XPR1: variants seen among roughly 807,000 people sequenced by gnomAD.
XPR1 encodes solute carrier family 53 member 1.
In XPR1, 28 loss-of-function variants were observed where a neutral mutation model predicts 87.5. The ratio of observed to expected loss-of-function variants is 0.32; its 90% CI spans 0.24 to 0.44. The LOEUF (loss-of-function observed/expected upper bound fraction) is 0.44. Ranked by LOEUF, XPR1 falls within the 20% of genes least tolerant of loss-of-function variation. The pLI is 1.00. For missense variants in XPR1, 559 were observed against 862.3 expected, an observed-to-expected ratio of 0.65 and a Z score of 4.41; for synonymous variants, 300 against 306.1, an observed-to-expected ratio of 0.98 and a Z score of 0.21.
chr1:180,855,896 G>A (rs1652012543), intron 11 of XPR1, among the ~76,000 whole-genome samples: 1 of 152,074 alleles, frequency 6.6e-6, no homozygotes, highest in African/African-American at 2.4e-5. Flanking sequence ...GTAACAAGGT[G>A]TCCTTCCTCC....
At chr1:180,656,293 G>A (rs1297305940) in intron 1 of XPR1, among the ~76,000 whole-genome samples, 1 of 127,788 alleles carries the variant, frequency 7.8e-6, no homozygotes, top group Non-Finnish European at 1.6e-5. Flanking sequence ...TCTTTTTAAT[G>A]ACTGAATAGT....
chr1:180,659,424 CTTCCTTCCTTCCTTCT>C (rs1416361210), intron 1 of XPR1, among the ~76,000 whole-genome samples: 2 of 108,654 alleles, frequency 1.8e-5, no homozygotes, highest in East Asian at 5.4e-4. Context: ...TCCTTCCTTC[CTTCCTTCCTTCCTTCT>C]TCCCTCCTTC....
chr1:180,684,181 A>C (rs1182745259), intron 2 of XPR1, among the ~76,000 whole-genome samples: 1 of 152,222 alleles, frequency 6.6e-6, no homozygotes, highest in African/African-American at 2.4e-5. Context: ...AGCTTTCTAC[A>C]TATGGCTAGC....
intron 1 of XPR1, among the ~76,000 whole-genome samples, chr1:180,682,027 AGTTTTTTTCTCTAGGACTTTTGTTCTG>A (rs1272295884): frequency 1.3e-5 from 2 of 152,154 alleles, no homozygotes; most frequent in African/African-American, 4.8e-5. Flanking sequence ...GCAGTCTACT[AGTTTTTTTCTCTAGGACTTTTGTTCTG>A]TTTTCTTCAG....
At chr1:180,736,458 G>A (rs908382729) in intron 2 of XPR1, among the ~76,000 whole-genome samples, 5 of 152,066 alleles carry the variant, frequency 3.3e-5, no homozygotes, top group Non-Finnish European at 1.5e-5. Context: ...GATAATAGAA[G>A]CCCAGAGAAC....
At chr1:180,651,817 G>C (rs1655300582) in intron 1 of XPR1, among the ~76,000 whole-genome samples, 1 of 151,980 alleles carries the variant, frequency 6.6e-6, no homozygotes, top group African/African-American at 2.4e-5. Flanking sequence ...AAATGAGAAA[G>C]GACTTTGCAT....
chr1:180,724,526 C>CGT (rs1658272474), intron 2 of XPR1, among the ~76,000 whole-genome samples: 1 of 151,960 alleles, frequency 6.6e-6, no homozygotes, highest in African/African-American at 2.4e-5. Context: ...TTGGAAAAGT[C>CGT]GTAATGTAAA....
At chr1:180,880,738 T>C (rs1238013028) in intron 14 of XPR1, among the ~76,000 whole-genome samples, 1 of 152,190 alleles carries the variant, frequency 6.6e-6, no homozygotes, top group Non-Finnish European at 1.5e-5. Flanking sequence ...TTAAGTGGAT[T>C]ATATTCATTA....
intron 2 of XPR1, among the ~76,000 whole-genome samples, chr1:180,732,546 C>G (rs1334667685): frequency 6.6e-6 from 1 of 152,138 alleles, no homozygotes; most frequent in East Asian, 1.9e-4. Flanking sequence ...GGGAAAGTTC[C>G]TGTGTCCCCC....
At chr1:180,808,918 A>G (rs1295047346) in intron 6 of XPR1, among the ~76,000 whole-genome samples, 8 of 152,174 alleles carry the variant, frequency 5.3e-5, no homozygotes, top group African/African-American at 1.9e-4. Context: ...TGGTCTAGCT[A>G]TTACACTCCT....
chr1:180,796,043 C>T (rs76529176), intron 3 of XPR1, among the ~76,000 whole-genome samples: 34,682 of 152,004 alleles, frequency 0.23, 4,062 homozygotes, highest in Middle Eastern at 0.28. Flanking sequence ...CTCCTGACCT[C>T]GTGATCCACT....
intron 4 of XPR1, among the ~76,000 whole-genome samples, chr1:180,805,625 C>T (rs1649963881): frequency 6.6e-6 from 1 of 152,188 alleles, no homozygotes; most frequent in Non-Finnish European, 1.5e-5. Flanking sequence ...ACTCCTGTAC[C>T]AGTCCTTCCA....
At chr1:180,733,953 C>T (rs1340956915) in intron 2 of XPR1, among the ~76,000 whole-genome samples, 2 of 152,086 alleles carry the variant, frequency 1.3e-5, no homozygotes, top group Non-Finnish European at 2.9e-5. Context: ...ATTTAATTTT[C>T]GTAACAATCC....
chr1:180,751,253 T>A (rs1647525808), intron 2 of XPR1, among the ~76,000 whole-genome samples: 1 of 151,908 alleles, frequency 6.6e-6, no homozygotes, highest in Non-Finnish European at 1.5e-5. Flanking sequence ...TTTATACTTT[T>A]CAACCCACAA....
intron 12 of XPR1, 21 bp from the exon 13 acceptor site, chr1:180,873,782 A>G (rs1429656860): frequency 1.2e-6 from 2 of 1,610,402 alleles, no homozygotes; most frequent in Admixed American, 3.4e-5. Flanking sequence ...AAACATACTC[A>G]ATTTCTTTAT....
At chr1:180,722,404 T>A (rs2101998584) in intron 2 of XPR1, among the ~76,000 whole-genome samples, 1 of 152,322 alleles carries the variant, frequency 6.6e-6, no homozygotes, top group South Asian at 2.1e-4. Flanking sequence ...CTTAAAATGT[T>A]ACTTTAAATT....
chr1:180,719,975 A>G (rs1265617010), intron 2 of XPR1, among the ~76,000 whole-genome samples: 1 of 152,200 alleles, frequency 6.6e-6, no homozygotes, highest in Non-Finnish European at 1.5e-5. Flanking sequence ...AAATGTTTGA[A>G]TTTGATATTT....
chr1:180,807,476 A>G (rs1280765759), intron 6 of XPR1, among the ~76,000 whole-genome samples: 1 of 152,228 alleles, frequency 6.6e-6, no homozygotes, highest in Non-Finnish European at 1.5e-5. Context: ...AAAATATACA[A>G]TGCTTAGTAA....
At chr1:180,823,593 G>A (rs998071778) in intron 7 of XPR1, among the ~76,000 whole-genome samples, 1 of 152,200 alleles carries the variant, frequency 6.6e-6, no homozygotes, top group African/African-American at 2.4e-5. Context: ...GGAAAAGTGA[G>A]TTGGTGATTA....
Sources: gnomAD v4.1 joint callset for allele counts (sites outside exome capture counted in the v4.1 genomes callset) on GRCh38, gnomAD v4.1.1 for gene constraint, MANE v1.5 for transcripts, NCBI Gene and HGNC (gene_info 2026-07-23, HGNC 2026-07-21) for gene names.